Variants in ZFPM2 observed in about 807,000 individuals in gnomAD.
ZFPM2 encodes the protein zinc finger protein ZFPM2.
ZFPM2 carries 20 observed loss-of-function variants against 98.6 expected under a neutral mutation model. The ratio of observed to expected loss-of-function variants is 0.20; its 90% CI spans 0.14 to 0.29. The LOEUF (loss-of-function observed/expected upper bound fraction) is 0.29, where lower values mean the gene tolerates loss of function less well. Ranked by LOEUF, ZFPM2 falls within the 10% of genes least tolerant of loss-of-function variation. The probability of loss-of-function intolerance (pLI) is 1.00; values close to 1 mark genes in which losing one functional copy is unlikely to be tolerated. For synonymous variants in ZFPM2, 518 were observed against 502.7 expected, an observed-to-expected ratio of 1.03 and a Z score of -0.41; for missense variants, 1,310 against 1,388.6, an observed-to-expected ratio of 0.94 and a Z score of 0.90.
intron 3 of ZFPM2, among the ~76,000 whole-genome samples, chr8:105,483,752 T>TC (rs1387418422): frequency 5.3e-4 from 80 of 150,366 alleles, no homozygotes; most frequent in African/African-American, 1.5e-3. Context: ...CTTTTTCTTT[T>TC]CTTTTTTTTT....
At chr8:105,569,549 A>G (rs563912139) in intron 4 of ZFPM2, among the ~76,000 whole-genome samples, 6 of 152,248 alleles carry the variant, frequency 3.9e-5, no homozygotes, top group South Asian at 4.1e-4. Flanking sequence ...AACTATGTCT[A>G]TTTCTTCAGT....
chr8:105,718,712 C>T (rs1455742510), intron 5 of ZFPM2, among the ~76,000 whole-genome samples: 1 of 151,774 alleles, frequency 6.6e-6, no homozygotes, highest in East Asian at 1.9e-4. Flanking sequence ...TGCCCTGATT[C>T]TGTCGTCAAA....
chr8:105,682,267 C>G (rs1810625079), intron 5 of ZFPM2, among the ~76,000 whole-genome samples: 1 of 152,106 alleles, frequency 6.6e-6, no homozygotes. Context: ...CCAGTTTGCT[C>G]TTCCAGAAAG....
At chr8:105,762,167 T>C (rs766545523) in intron 5 of ZFPM2, among the ~76,000 whole-genome samples, 2 of 152,004 alleles carry the variant, frequency 1.3e-5, no homozygotes, top group East Asian at 1.9e-4. Flanking sequence ...TGTTAATTCA[T>C]AGTCCCTTTG....
chr8:105,621,554 C>T (rs1186934558), intron 4 of ZFPM2, among the ~76,000 whole-genome samples: 2 of 152,116 alleles, frequency 1.3e-5, no homozygotes, highest in African/African-American at 2.4e-5. Flanking sequence ...CCAGAACTTC[C>T]AACACTATGT....
chr8:105,797,774 T>C (rs1156710913), intron 6 of ZFPM2, among the ~76,000 whole-genome samples: 4 of 152,202 alleles, frequency 2.6e-5, no homozygotes, highest in Non-Finnish European at 5.9e-5. Flanking sequence ...GAGCTCATCA[T>C]CTTCCCTCTA....
chr8:105,467,481 A>T (rs368073578), intron 3 of ZFPM2, among the ~76,000 whole-genome samples: 1 of 152,114 alleles, frequency 6.6e-6, no homozygotes, highest in Non-Finnish European at 1.5e-5. Flanking sequence ...AAGCCCAGCG[A>T]GTTAGGAATC....
At chr8:105,553,458 C>G (rs1814910124) in intron 3 of ZFPM2, among the ~76,000 whole-genome samples, 1 of 152,168 alleles carries the variant, frequency 6.6e-6, no homozygotes, top group Non-Finnish European at 1.5e-5. Flanking sequence ...TAATTTTACT[C>G]TAGGTTTTAG....
At chr8:105,535,742 T>G (rs1214170623) in intron 3 of ZFPM2, among the ~76,000 whole-genome samples, 1 of 152,042 alleles carries the variant, frequency 6.6e-6, no homozygotes, top group Non-Finnish European at 1.5e-5. Context: ...GGAGGGAGAG[T>G]TTAACTCTGT....
intron 1 of ZFPM2, among the ~76,000 whole-genome samples, chr8:105,416,716 AAT>A (rs1811686309): frequency 6.6e-6 from 1 of 151,940 alleles, no homozygotes; most frequent in African/African-American, 2.4e-5. Context: ...AAATTATGTA[AAT>A]AAAAATAATA....
chr8:105,774,125 A>G (rs528233306), intron 5 of ZFPM2, among the ~76,000 whole-genome samples: 18 of 152,230 alleles, frequency 1.2e-4, no homozygotes, highest in Non-Finnish European at 2.4e-4. Flanking sequence ...TCCTTCCATA[A>G]TCTATGCAGA....
chr8:105,371,006 T>C (rs1810612590), intron 1 of ZFPM2, among the ~76,000 whole-genome samples: 1 of 152,214 alleles, frequency 6.6e-6, no homozygotes, highest in East Asian at 1.9e-4. Flanking sequence ...TATTGGGTGC[T>C]ACTGACTCTG....
chr8:105,351,354 CGTGTGTGTGTGTGT>C (rs139105567), intron 1 of ZFPM2, among the ~76,000 whole-genome samples: 1 of 144,754 alleles, frequency 6.9e-6, no homozygotes, highest in African/African-American at 2.6e-5. Context: ...TGCATTATTT[CGTGTGTGTGTGTGT>C]GTGTGTGTGT....
intron 3 of ZFPM2, among the ~76,000 whole-genome samples, chr8:105,458,893 T>G (rs1445625947): frequency 1.3e-5 from 2 of 152,136 alleles, no homozygotes; most frequent in African/African-American, 4.8e-5. Flanking sequence ...GGGGGACATC[T>G]GGTTCCCTTG....
chr8:105,733,334 G>A (rs1480673852), intron 5 of ZFPM2, among the ~76,000 whole-genome samples: 5 of 151,820 alleles, frequency 3.3e-5, no homozygotes, highest in Admixed American at 2.6e-4. Flanking sequence ...GTACAGATGG[G>A]TCTAAGGGCT....
chr8:105,572,259 G>T (rs145978707), intron 4 of ZFPM2, among the ~76,000 whole-genome samples: 2 of 151,872 alleles, frequency 1.3e-5, no homozygotes, highest in Non-Finnish European at 2.9e-5. Context: ...GGATGGTCTC[G>T]ATCTCCTGAC....
chr8:105,414,029 G>C (rs1586354891), intron 1 of ZFPM2, among the ~76,000 whole-genome samples: 1 of 151,984 alleles, frequency 6.6e-6, no homozygotes, highest in Non-Finnish European at 1.5e-5. Context: ...TGCAATCAAG[G>C]CTGCCCAGTA....
intron 4 of ZFPM2, among the ~76,000 whole-genome samples, chr8:105,597,851 C>T (rs563342549): frequency 2.0e-5 from 3 of 151,932 alleles, no homozygotes; most frequent in Non-Finnish European, 4.4e-5. Context: ...TACCGCTGCA[C>T]TATAACTACA....
chr8:105,761,134 G>A (rs1291694802), intron 5 of ZFPM2, among the ~76,000 whole-genome samples: 1 of 151,980 alleles, frequency 6.6e-6, no homozygotes, highest in African/African-American at 2.4e-5. Context: ...TGGGCATCAT[G>A]AATATTTCAT....
Sources: allele counts gnomAD v4.1 joint callset (sites outside exome capture counted in the v4.1 genomes callset), GRCh38; gene constraint gnomAD v4.1.1; transcripts MANE v1.5; gene names NCBI Gene and HGNC (gene_info 2026-07-23, HGNC 2026-07-21).